The following DNAH1 variants were observed in gnomAD, a reference collection of about 807,000 sequenced individuals.
The protein encoded by DNAH1 is dynein axonemal heavy chain 1, also known as axonemal beta dynein heavy chain 1.
In DNAH1, 327 loss-of-function variants were observed where a neutral mutation model predicts 484.3. That is an observed-to-expected ratio of 0.68 (90% CI 0.62 to 0.74). The LOEUF (loss-of-function observed/expected upper bound fraction) is 0.74, where lower values mean the gene tolerates loss of function less well. Among genes scored for constraint, DNAH1 ranks in the 30% least tolerant of loss-of-function variants. DNAH1 has a pLI of 0.00. For missense variants in DNAH1, 5,052 were observed against 5,546.8 expected (o/e 0.91, Z 2.83); for synonymous variants, 2,192 against 2,191.9 (o/e 1.00, Z 0.00).
rs34307560 is a variant in DNAH1, at chr3:52,333,391, C to CTT, written c.1286+1009_1286+1010dup. 2.3e-3 allele frequency among the ~76,000 whole-genome samples: 323 copies of CTT among 137,560 alleles called. 2 individuals are homozygous for CTT. Among genetic ancestry groups the CTT allele is most frequent in the African/African-American group, 6.6e-3 (242 of 36,662 alleles). 90.2% of individuals were successfully genotyped at this position (137,560 alleles called of 152,430 possible). On this transcript the variant is annotated intron_variant, in intron 8 of 77. Coordinates refer to ENST00000420323, the MANE Select transcript of DNAH1 (RefSeq NM_015512.5). Reference sequence around the variant, plus strand: ...TTCCTTTTCTTTTCTTTCTTTCTTTCTTTTTTTTTTTTTGAGATGGAGTTT... The same window carrying CTT: ...TTCCTTTTCTTTTCTTTCTTTCTTTCTTTTTTTTTTTTTTTGAGATGGAGTTT...
Position 52,370,844 on chromosome 3 carries a change from C to G in DNAH1, c.6525+19C>G. 6.4e-7 allele frequency: 1 copy of G among 1,571,900 alleles called. No homozygotes were observed. The highest frequency in any genetic ancestry group is 1.4e-5 in the African/African-American group (1 of 73,990). The stretch of plus-strand genomic sequence containing the variant: ...CAAGCAGGTGGCCGCAGGCCCTCCC[C>G]AGAGACTGCACAGGGAGGGACCACT... On this transcript the variant is annotated intron_variant, in intron 41 of 77. Coordinates refer to ENST00000420323, the MANE Select transcript of DNAH1 (RefSeq NM_015512.5).
rs368540046 is a variant in DNAH1 at position 52,370,602 on chromosome 3, C to A, written c.6384C>A (p.Ser2128Arg). The A allele has an allele frequency of 8.7e-6, 14 of 1,612,600 alleles. No individual in the cohort carries two copies. The highest frequency in any genetic ancestry group is 1.3e-5 in the African/African-American group (1 of 74,918). ...TGDSSGRTSFSHWLRLKMENE... is the reference protein window; with the variant it reads ...TGDSSGRTSFRHWLRLKMENE... The stretch of plus-strand genomic sequence containing the variant: ...ACAGCAGTGGCCGCACCAGTTTCAG[C>A]CACTGGCTAAGGCTCAAGATGGAGA... Residue 2128 changes from serine to arginine, a missense_variant, in exon 40 of 78, where the codon AGC (serine) becomes AGA (arginine). Physicochemically the swap from Ser to Arg is moderately radical, Grantham distance 110. This residue lies in a region of DNAH1 where 2,929 missense variants were observed against 3,409.4 expected (regional missense o/e 0.86). Coordinates refer to ENST00000420323, the MANE Select transcript of DNAH1 (RefSeq NM_015512.5).
Position 52,372,058 on chromosome 3 carries a change from T to C in DNAH1, c.6638T>C (p.Leu2213Pro). The change falls in exon 42 of 78, where the codon CTG (leucine) becomes CCG (proline). Residue 2213 changes from leucine to proline, a missense_variant. Physicochemically the swap from Leu to Pro is moderately conservative, Grantham distance 98. Coordinates refer to ENST00000420323, the MANE Select transcript of DNAH1 (RefSeq NM_015512.5). ...GACACCGTGCAGATGTCCCATTTAC[T>C]GGACATGCTGCTCACCAACAAGAAG... ...TMDTVQMSHLLDMLLTNKKPV... is the reference protein window; with the variant it reads ...TMDTVQMSHLPDMLLTNKKPV... 6.2e-7 allele frequency: 1 copy of C among 1,613,772 alleles called. No individual in the cohort carries two copies. The highest frequency in any genetic ancestry group is 1.3e-5 in the African/African-American group (1 of 75,036).
At chr3:52,382,179 G>C in intron 49 of DNAH1, 141 bp from the exon 50 acceptor site, 1 of 1,377,120 alleles carries the variant, frequency 7.3e-7, no homozygotes, top group Non-Finnish European at 1.0e-6. Flanking sequence ...AAAAAAGCAG[G>C]TTCAGGGCCT....
At chr3:52,375,783 G>C (rs1703567842) in intron 45 of DNAH1, among the ~76,000 whole-genome samples, 172 bp from the exon 46 acceptor site, 1 of 152,126 alleles carries the variant, frequency 6.6e-6, no homozygotes, top group African/African-American at 2.4e-5. Context: ...TGTTACTTTT[G>C]TAAATCAGGA....
intron 10 of DNAH1, among the ~76,000 whole-genome samples, chr3:52,345,971 T>G (rs1219698907): frequency 1.3e-5 from 2 of 152,214 alleles, no homozygotes; most frequent in Admixed American, 1.3e-4. Flanking sequence ...CCAACTCTGG[T>G]TGCCTCTGAA....
At chr3:52,365,159 C>A in intron 34 of DNAH1, 140 bp downstream of exon 34, 1 of 1,230,460 alleles carries the variant, frequency 8.1e-7, no homozygotes, top group Non-Finnish European at 1.1e-6. Context: ...GGGCTCTCAG[C>A]CGAGCAATCC....
chr3:52,320,714 T>C (rs975698283), intron 1 of DNAH1, among the ~76,000 whole-genome samples: 5 of 151,842 alleles, frequency 3.3e-5, no homozygotes, highest in Non-Finnish European at 5.9e-5. Flanking sequence ...GATGGGAAAA[T>C]GGGATGGGGC....
chr3:52,392,488 C>T lies in DNAH1; in HGVS notation c.10077C>T (p.Gly3359=). The change falls in exon 64 of 78, where the codon GGC becomes GGT. Residue 3359 remains glycine, a synonymous_variant. Coordinates refer to ENST00000420323, the MANE Select transcript of DNAH1 (RefSeq NM_015512.5). Reference sequence around the variant, plus strand: ...GTGGCCTAGAGGACCAGCTACTGGGCCAGGTAGTGGCAGAGGAGCGACCCG... The same window carrying T: ...GTGGCCTAGAGGACCAGCTACTGGGTCAGGTAGTGGCAGAGGAGCGACCCG... ...SPSGLEDQLL[G]QVVAEERPDL... is the part of the protein sequence containing the mutation. 1.2e-6 allele frequency: 2 copies of T among 1,613,766 alleles called. No homozygotes were observed. The highest frequency in any genetic ancestry group is 1.7e-6 in the Non-Finnish European group (2 of 1,179,862).
intron 28 of DNAH1, 25 bp downstream of exon 28, chr3:52,360,449 C>T: frequency 6.3e-7 from 1 of 1,583,728 alleles, no homozygotes; most frequent in Non-Finnish European, 8.7e-7. Flanking sequence ...CTTGCTCCTT[C>T]CCACACTGAG....
At chr3:52,315,140 G>C (rs1323816590), upstream of DNAH1, among the ~76,000 whole-genome samples, 1 of 152,148 alleles carries the variant, frequency 6.6e-6, no homozygotes, top group Non-Finnish European at 1.5e-5. Flanking sequence ...GTGAATCGTA[G>C]ACCTCACCCA....
intron 36 of DNAH1, 50 bp downstream of exon 36, chr3:52,366,937 G>C (rs1176688722): frequency 6.4e-7 from 1 of 1,567,060 alleles, no homozygotes; most frequent in South Asian, 1.2e-5. Context: ...CAGACCTCTG[G>C]AGGCTGTGGG....
intron 36 of DNAH1, 126 bp downstream of exon 36, chr3:52,367,013 T>A: frequency 1.7e-6 from 2 of 1,197,558 alleles, no homozygotes; most frequent in Non-Finnish European, 2.3e-6. Flanking sequence ...CGCTTGGGAT[T>A]CTATTCTCCA....
In DNAH1 at chr3:52,391,241, G is replaced by A; in HGVS notation, c.9804G>A (p.Glu3268=). 1 of 1,613,846 alleles carries A rather than the reference G, an allele frequency of 6.2e-7. No homozygotes were observed. Among genetic ancestry groups the A allele is most frequent in the Non-Finnish European group, 8.5e-7 (1 of 1,179,840 alleles). Residue 3268 remains glutamate (E), a synonymous_variant, in exon 62 of 78, where the codon GAG becomes GAA. Transcript: ENST00000420323. ...ACCGCGACTTCCTGCGCAGCATGGA[G>A]AACGCCATCCGCTTTGGCAAGCCAT... ...LSDRDFLRSM[E]NAIRFGKPCL...
At chr3:52,340,591 C>T (rs910470803) in intron 8 of DNAH1, among the ~76,000 whole-genome samples, 6 of 151,954 alleles carry the variant, frequency 3.9e-5, no homozygotes, top group Non-Finnish European at 8.8e-5. Flanking sequence ...GTTACCACCA[C>T]GCCTAGCTAA....
At chr3:52,376,721 C>T (rs1703620273) in intron 46 of DNAH1, among the ~76,000 whole-genome samples, 2 of 152,174 alleles carry the variant, frequency 1.3e-5, no homozygotes, top group Admixed American at 1.3e-4. Flanking sequence ...TGCCCCAGCC[C>T]GTCACTCTAC....
chr3:52,363,120 G>A lies in DNAH1; in HGVS notation c.5220G>A (p.Leu1740=). The change falls in exon 32 of 78, where the codon CTG becomes CTA. Residue 1740 remains leucine (L), a synonymous_variant. Transcript: ENST00000420323. ...LAKKITTTFK[L]SSEQLSSQDH... ...AGAAGATCACAACCACCTTCAAGCT[G>A]TCTTCTGAGCAGCTCAGCTCCCAGG... 1.2e-6 allele frequency: 2 copies of A among 1,613,976 alleles called. No individual in the cohort carries two copies. Among genetic ancestry groups the A allele is most frequent in the Middle Eastern group, 1.7e-4 (1 of 6,054 alleles).
At chr3:52,327,240 G>C (rs1701379838) in intron 5 of DNAH1, among the ~76,000 whole-genome samples, 1 of 152,098 alleles carries the variant, frequency 6.6e-6, no homozygotes, top group African/African-American at 2.4e-5. Context: ...AGCTGCTTCT[G>C]GGCTCACTGA....
Position 52,368,913 on chromosome 3 carries a change from A to T in DNAH1, c.5938A>T (p.Thr1980Ser), listed in dbSNP as rs760188844. 1.9e-6 allele frequency: 3 copies of T among 1,612,582 alleles called. No homozygotes were observed. The Admixed American group carries it at 5.0e-5, about 27-fold the overall frequency. The change falls in exon 37 of 78, where the codon ACA (threonine) becomes TCA (serine). Residue 1980 changes from threonine (T) to serine (S), a missense_variant. Transcript: ENST00000420323. This position sits in a 1 kb window ranked among gnomAD's most constrained non-coding sequence, Gnocchi z 4.4. The part of the protein sequence containing the change: ...CLSSGEIIKL[T>S]EAMTMMFEVQ... ...CAGCTCTGGGGAGATCATCAAGCTC[A>T]CAGAGGTGCACCTACCTGTCCACCT...
Sources: gnomAD v4.1 joint callset for allele counts (sites outside exome capture counted in the v4.1 genomes callset) on GRCh38, gnomAD v4.1.1 for gene constraint, gnomAD v4.1.1 regional missense constraint, Gnocchi (gnomAD v3.1) non-coding constraint, MANE v1.5 for transcripts, NCBI Gene and HGNC (gene_info 2026-07-23, HGNC 2026-07-21) for gene names.